The following SPOCK1 variants were observed in gnomAD, a reference collection of about 807,000 sequenced individuals.
The protein encoded by SPOCK1 is testican-1.
In SPOCK1, 23 loss-of-function variants were observed where a neutral mutation model predicts 55.3. The observed-to-expected ratio is 0.42, with a 90% CI of 0.30 to 0.59. SPOCK1 has a LOEUF of 0.59. Ranked by LOEUF, SPOCK1 falls within the 20% of genes least tolerant of loss-of-function variation. SPOCK1 has a pLI of 0.22. For missense variants in SPOCK1, 499 were observed against 552.5 expected, an observed-to-expected ratio of 0.90 and a Z score of 0.97; for synonymous variants, 226 against 221.0, an observed-to-expected ratio of 1.02 and a Z score of -0.20.
At chr5:137,339,690 C>T (rs1196448811) in intron 2 of SPOCK1, among the ~76,000 whole-genome samples, 1 of 152,024 alleles carries the variant, frequency 6.6e-6, no homozygotes, top group Non-Finnish European at 1.5e-5. Flanking sequence ...CAGACGGGTA[C>T]ACATAGCAAG....
intron 2 of SPOCK1, among the ~76,000 whole-genome samples, chr5:137,479,129 G>GAGC (rs1561546433): frequency 6.6e-6 from 1 of 151,528 alleles, no homozygotes; most frequent in Non-Finnish European, 1.5e-5. Flanking sequence ...TCAAAAACTG[G>GAGC]AGCACCTGCA....
At chr5:137,021,751 T>C (rs1013955099) in intron 6 of SPOCK1, among the ~76,000 whole-genome samples, 12 of 152,192 alleles carry the variant, frequency 7.9e-5, no homozygotes, top group African/African-American at 2.9e-4. Context: ...TTGGAACTAC[T>C]CTAAATTATG....
chr5:137,170,069 G>T (rs1212304557), intron 3 of SPOCK1, among the ~76,000 whole-genome samples: 1 of 152,174 alleles, frequency 6.6e-6, no homozygotes, highest in African/African-American at 2.4e-5. Context: ...GACCCTTGCA[G>T]ATCCCAAAAT....
rs575485786 is a variant in SPOCK1, at chr5:137,407,291, G to T, written c.186+91082C>A. Reference sequence around the variant, plus strand: ...CTCTAGGGAAATGTGACAACGCTGTGCTCTTTAAGCTGCACTTCACAGCTG... The same window carrying T: ...CTCTAGGGAAATGTGACAACGCTGTTCTCTTTAAGCTGCACTTCACAGCTG... On this transcript the variant is annotated intron_variant, in intron 2 of 10. Transcript: ENST00000394945. Among the ~76,000 whole-genome samples, 8 of 152,306 alleles carry T rather than the reference G, an allele frequency of 5.3e-5. No individual in the cohort carries two copies. In the South Asian group the frequency reaches 1.7e-3, roughly 32 times the overall value.
intron 2 of SPOCK1, among the ~76,000 whole-genome samples, chr5:137,293,187 CA>C (rs1371208213): frequency 2.1e-5 from 3 of 142,658 alleles, no homozygotes; most frequent in Non-Finnish European, 4.5e-5. Context: ...AACGAACACA[CA>C]GCACCATTTA....
Position 137,140,564 on chromosome 5 carries a change from GGCCTTCCT to G in SPOCK1, c.347+8_347+15del. 1 of 1,606,220 alleles carries G rather than the reference GGCCTTCCT, an allele frequency of 6.2e-7. No individual in the cohort carries two copies. On this transcript the variant is annotated splice_region_variant and intron_variant, in intron 4 of 10. Transcript: ENST00000394945. ...GAATGCCTCCCAGCCCCCAGCCCCC[GGCCTTCCT>G]GCCTTACCTGGGGAGCAGGTGCTTG...
chr5:137,331,023 G>T (rs910967810), intron 2 of SPOCK1, among the ~76,000 whole-genome samples: 4 of 152,194 alleles, frequency 2.6e-5, no homozygotes, highest in African/African-American at 9.7e-5. Flanking sequence ...TCAGCAAATG[G>T]TGGTGGAGCT....
At chr5:137,445,992 A>G (rs1173209722) in intron 2 of SPOCK1, among the ~76,000 whole-genome samples, 1 of 152,156 alleles carries the variant, frequency 6.6e-6, no homozygotes, top group Non-Finnish European at 1.5e-5. Flanking sequence ...GCCATTAAAC[A>G]CTTTCCTAAT....
intron 3 of SPOCK1, among the ~76,000 whole-genome samples, chr5:137,143,847 G>T (rs967187988): frequency 1.3e-5 from 2 of 152,132 alleles, no homozygotes; most frequent in Non-Finnish European, 2.9e-5. Flanking sequence ...AAAATAAATT[G>T]CTAATGAGAG....
intron 3 of SPOCK1, among the ~76,000 whole-genome samples, chr5:137,153,101 G>A (rs755625011): frequency 2.6e-5 from 4 of 152,184 alleles, no homozygotes; most frequent in Non-Finnish European, 5.9e-5. Flanking sequence ...AACTATTGCT[G>A]AGCCCAGGTC....
intron 6 of SPOCK1, among the ~76,000 whole-genome samples, chr5:137,040,743 T>C (rs1751979673): frequency 1.3e-5 from 2 of 152,214 alleles, no homozygotes; most frequent in African/African-American, 4.8e-5. Context: ...TCTCTCTGTA[T>C]TAATCATCAG....
intron 2 of SPOCK1, among the ~76,000 whole-genome samples, chr5:137,317,146 G>A (rs931236739): frequency 3.3e-5 from 5 of 152,198 alleles, no homozygotes; most frequent in South Asian, 4.1e-4. Flanking sequence ...AGGTGAGTGC[G>A]GGTATCCTGG....
chr5:137,133,856 A>G (rs1753929104), intron 4 of SPOCK1, among the ~76,000 whole-genome samples: 3 of 151,114 alleles, frequency 2.0e-5, no homozygotes, highest in Admixed American at 6.6e-5. Context: ...GTTTAATACC[A>G]GGGCATGGAC....
rs115281102 is a variant in SPOCK1, at chr5:137,236,677, G to C, written c.232+30333C>G. On this transcript the variant is annotated intron_variant, in intron 3 of 10. Transcript: ENST00000394945. The stretch of plus-strand genomic sequence containing the variant: ...GCTATGGTCATATCTGACCTGGATT[G>C]GGGAGGGAATGGTTTAGAATCAGCT... Among the ~76,000 whole-genome samples the C allele has an allele frequency of 3.2e-3, 484 of 152,238 alleles. 2 individuals are homozygous for C. The highest frequency in any genetic ancestry group is 0.011 in the African/African-American group (471 of 41,526).
intron 2 of SPOCK1, among the ~76,000 whole-genome samples, chr5:137,449,040 C>T (rs2950951): frequency 0.4 from 60,623 of 152,148 alleles, 13,353 homozygotes; most frequent in East Asian, 0.64. Flanking sequence ...GATCTCCCTA[C>T]CCTCAGGCCC....
chr5:136,977,233 A>C lies in SPOCK1; in HGVS notation c.*1421T>G, dbSNP rs1252121805. 6.6e-6 allele frequency: 1 copy of C among 152,012 alleles called. No individual in the cohort carries two copies. The allele number at this position is 152,012 out of a possible 1,614,324, so 9.4% of individuals were successfully genotyped here. On this transcript the variant is annotated 3_prime_UTR_variant, in exon 11 of 11. Coordinates refer to ENST00000394945, the MANE Select transcript of SPOCK1 (RefSeq NM_004598.4). ...AATCCTAAGGAATGTAGAGATGATG[A>C]CCCTACCAAATTTGGAACTAGACTC...
chr5:137,191,205 C>A (rs1297944157), intron 3 of SPOCK1, among the ~76,000 whole-genome samples: 1 of 152,162 alleles, frequency 6.6e-6, no homozygotes, highest in Non-Finnish European at 1.5e-5. Context: ...CTGAGTGTTT[C>A]CTCTTCTGAA....
rs906934690 is a variant in SPOCK1, at chr5:137,419,015, A to G, written c.186+79358T>C. On this transcript the variant is annotated intron_variant, in intron 2 of 10. Transcript: ENST00000394945. ...AAGGGATCCAGTTTCAGCTTTCTAC[A>G]TATGGCTAGCCAGTTTTCCCAGCAC... 7.9e-5 allele frequency among the ~76,000 whole-genome samples: 12 copies of G among 152,306 alleles called. 1 individual carries two copies. Among genetic ancestry groups the G allele is most frequent in the East Asian group, 3.9e-4 (2 of 5,186 alleles).
chr5:137,178,509 G>A (rs781538291), intron 3 of SPOCK1, among the ~76,000 whole-genome samples: 1 of 152,204 alleles, frequency 6.6e-6, no homozygotes, highest in Non-Finnish European at 1.5e-5. Context: ...TAAGGAGACC[G>A]AGGCTCAGAG....
Sources: gnomAD v4.1 joint callset for allele counts (sites outside exome capture counted in the v4.1 genomes callset) on GRCh38, gnomAD v4.1.1 for gene constraint, MANE v1.5 for transcripts, NCBI Gene and HGNC (gene_info 2026-07-23, HGNC 2026-07-21) for gene names.